Variants in NIBAN1 observed in about 807,000 individuals in gnomAD.
NIBAN1 encodes niban apoptosis regulator 1, also known as protein Niban 1.
In NIBAN1, 81 loss-of-function variants were observed where a neutral mutation model predicts 75.1. The observed-to-expected ratio is 1.08, with a 90% CI of 0.90 to 1.30. The LOEUF is 1.30. Among genes scored for constraint, NIBAN1 ranks in the 50% most tolerant of loss-of-function variants. The pLI is 0.00. For synonymous variants in NIBAN1, 436 were observed against 424.8 expected (o/e 1.03, Z -0.32); for missense variants, 1,133 against 1,128.1 (o/e 1.00, Z -0.06).
intron 1 of NIBAN1, among the ~76,000 whole-genome samples, chr1:184,901,169 T>C (rs935532496): frequency 6.6e-6 from 1 of 152,212 alleles, no homozygotes; most frequent in African/African-American, 2.4e-5. Context: ...GGTCTTATAC[T>C]ATAAATGAGG....
At position 184,890,226 on chromosome 1, in the gene NIBAN1, G is replaced by A. The variant is rs1303550908; in HGVS notation, c.319-4C>T. 26 of 1,601,272 alleles carry A rather than the reference G, an allele frequency of 1.6e-5. No homozygotes were observed. The highest frequency in any genetic ancestry group is 2.2e-5 in the Non-Finnish European group (26 of 1,168,514). ...GAGCAGCTCCTCTCTGATAGGCCTG[G>A]GGAGGGAAAGGCACACAGGAATGAT... On this transcript the variant is annotated splice_region_variant and splice_polypyrimidine_tract_variant and intron_variant, in intron 3 of 13. Coordinates refer to ENST00000367511, the MANE Select transcript of NIBAN1 (RefSeq NM_052966.4).
At chr1:184,911,723 G>C (rs1023337142) in intron 1 of NIBAN1, among the ~76,000 whole-genome samples, 1 of 152,094 alleles carries the variant, frequency 6.6e-6, no homozygotes, top group African/African-American at 2.4e-5. Context: ...AGCTTCTCTG[G>C]ACCCTGCTCT....
chr1:184,930,000 G>A (rs1657780460), intron 1 of NIBAN1, among the ~76,000 whole-genome samples: 1 of 152,156 alleles, frequency 6.6e-6, no homozygotes, highest in Non-Finnish European at 1.5e-5. Flanking sequence ...CATCCCAAAA[G>A]AGCTTCCAAA....
At chr1:184,866,497 T>A (rs1049282288) in intron 5 of NIBAN1, among the ~76,000 whole-genome samples, 1 of 152,204 alleles carries the variant, frequency 6.6e-6, no homozygotes, top group Non-Finnish European at 1.5e-5. Context: ...AATTTTAAGA[T>A]GATAATGTGT....
At chr1:184,803,159 T>C (rs1332861055) in intron 12 of NIBAN1, among the ~76,000 whole-genome samples, 1 of 152,224 alleles carries the variant, frequency 6.6e-6, no homozygotes, top group Non-Finnish European at 1.5e-5. Context: ...CTAATATCTT[T>C]TTTGGATACA....
chr1:184,868,139 A>T (rs753521351), intron 5 of NIBAN1: 4 of 789,472 alleles, frequency 5.1e-6, no homozygotes, highest in African/African-American at 3.7e-5. Context: ...CTAACTTCCA[A>T]CTTCCTTCTT....
At chr1:184,954,674 A>G (rs1296978446) in intron 1 of NIBAN1, among the ~76,000 whole-genome samples, 1 of 152,196 alleles carries the variant, frequency 6.6e-6, no homozygotes, top group Non-Finnish European at 1.5e-5. Flanking sequence ...TGTAACTCAG[A>G]ATCAGAGTAT....
chr1:184,875,547 T>A (rs955853339), intron 5 of NIBAN1, among the ~76,000 whole-genome samples: 2 of 152,190 alleles, frequency 1.3e-5, no homozygotes, highest in Admixed American at 1.3e-4. Flanking sequence ...CAAGAGAAAG[T>A]CAGGCAGAAA....
At chr1:184,959,660 A>C (rs1231082328) in intron 1 of NIBAN1, among the ~76,000 whole-genome samples, 1 of 152,222 alleles carries the variant, frequency 6.6e-6, no homozygotes, top group Non-Finnish European at 1.5e-5. Context: ...TCAAGCAGGC[A>C]GTTAAGTTAC....
intron 12 of NIBAN1, 45 bp downstream of exon 12, chr1:184,803,540 C>G: frequency 6.7e-7 from 1 of 1,494,408 alleles, no homozygotes; most frequent in Non-Finnish European, 9.3e-7. Flanking sequence ...GTTTGAACTT[C>G]AGAGGTAAGA....
chr1:184,922,154 G>T (rs1027811599), intron 1 of NIBAN1, among the ~76,000 whole-genome samples: 1 of 151,804 alleles, frequency 6.6e-6, no homozygotes, highest in Non-Finnish European at 1.5e-5. Context: ...TGGGATACAT[G>T]ACATATTTTG....
At chr1:184,939,655 A>C (rs1247844390) in intron 1 of NIBAN1, among the ~76,000 whole-genome samples, 1 of 152,158 alleles carries the variant, frequency 6.6e-6, no homozygotes. Flanking sequence ...CACCAGAAAA[A>C]CTGTGGGCAA....
chr1:184,950,825 C>T lies in NIBAN1; in HGVS notation c.55+23477G>A, dbSNP rs186103703. Among the ~76,000 whole-genome samples, 27 of 152,244 alleles carry T rather than the reference C, an allele frequency of 1.8e-4. No individual in the cohort carries two copies. In the East Asian group the frequency reaches 4.2e-3, roughly 24 times the overall value. ...AATTTCATTACATGACAGTTCTTACCGCTCCCTTGAATTACAGTATTTGGT... is the reference window on the plus strand; with the variant it reads ...AATTTCATTACATGACAGTTCTTACTGCTCCCTTGAATTACAGTATTTGGT... On this transcript the variant is annotated intron_variant, in intron 1 of 13. Coordinates refer to ENST00000367511, the MANE Select transcript of NIBAN1 (RefSeq NM_052966.4).
At chr1:184,913,929 T>C (rs1362119428) in intron 1 of NIBAN1, among the ~76,000 whole-genome samples, 1 of 152,192 alleles carries the variant, frequency 6.6e-6, no homozygotes, top group Non-Finnish European at 1.5e-5. Flanking sequence ...CTGTCATCTG[T>C]CTGCATTCCC....
intron 1 of NIBAN1, among the ~76,000 whole-genome samples, chr1:184,912,533 C>T (rs1266153744): frequency 1.3e-5 from 2 of 152,124 alleles, no homozygotes; most frequent in South Asian, 2.1e-4. Flanking sequence ...CACATTTTTG[C>T]CTGTTTCAAC....
At chr1:184,901,848 T>C (rs1233731269) in intron 1 of NIBAN1, among the ~76,000 whole-genome samples, 3 of 152,138 alleles carry the variant, frequency 2.0e-5, no homozygotes, top group Non-Finnish European at 2.9e-5. Flanking sequence ...TAACACATCA[T>C]CCACCAGGTA....
Position 184,846,022 on chromosome 1 carries a change from T to G in NIBAN1, c.602-14060A>C, listed in dbSNP as rs1432044133. Among the ~76,000 whole-genome samples the G allele has an allele frequency of 3.5e-5, 3 of 85,698 alleles. 1 individual carries two copies. The highest frequency in any genetic ancestry group is 1.1e-4 in the African/African-American group (2 of 18,186). The allele number at this position is 85,698 out of a possible 152,430, so 56.2% of individuals were successfully genotyped here. A position where few individuals can be genotyped will look rare whatever the true frequency, so the allele number is the denominator to read the frequency against. On this transcript the variant is annotated intron_variant, in intron 5 of 13. Coordinates refer to ENST00000367511, the MANE Select transcript of NIBAN1 (RefSeq NM_052966.4). The stretch of plus-strand genomic sequence containing the variant: ...CTAGCACAGCAGTCTGAGATCAAAC[T>G]GCAAGGCGGCAGCGAGGCTGGGGGA...
chr1:184,886,390 T>C (rs973151207), intron 4 of NIBAN1, among the ~76,000 whole-genome samples: 3 of 152,164 alleles, frequency 2.0e-5, no homozygotes, highest in African/African-American at 7.2e-5. Flanking sequence ...GCATCTTCCA[T>C]AGCTTTGTAT....
intron 12 of NIBAN1, among the ~76,000 whole-genome samples, chr1:184,800,136 T>C (rs1426430925): frequency 6.6e-6 from 1 of 150,422 alleles, no homozygotes; most frequent in Non-Finnish European, 1.5e-5. Context: ...CATTTTTTCA[T>C]GTGTTTTTTG....
Sources: gnomAD v4.1 joint callset for allele counts (sites outside exome capture counted in the v4.1 genomes callset) on GRCh38, gnomAD v4.1.1 for gene constraint, MANE v1.5 for transcripts, NCBI Gene and HGNC (gene_info 2026-07-23, HGNC 2026-07-21) for gene names.